DCC: variants seen among roughly 807,000 people sequenced by gnomAD.
The protein encoded by DCC is netrin receptor DCC.
DCC carries 58 observed loss-of-function variants against 172.5 expected under a neutral mutation model. The ratio of observed to expected loss-of-function variants is 0.34; its 90% CI spans 0.27 to 0.42. The LOEUF is 0.42. Among genes scored for constraint, DCC ranks in the 10% least tolerant of loss-of-function variants. DCC has a pLI of 1.00. For missense variants in DCC, 1,740 were observed against 1,791.0 expected, an observed-to-expected ratio of 0.97 and a Z score of 0.51; for synonymous variants, 709 against 644.5, an observed-to-expected ratio of 1.10 and a Z score of -1.52.
At chr18:53,439,914 G>A (rs903340693) in intron 22 of DCC, among the ~76,000 whole-genome samples, 1 of 150,746 alleles carries the variant, frequency 6.6e-6, no homozygotes. Context: ...ACAGGCGCCC[G>A]CCACTACGCC....
At chr18:53,432,061 A>G (rs1911652400) in intron 21 of DCC, among the ~76,000 whole-genome samples, 1 of 152,172 alleles carries the variant, frequency 6.6e-6, no homozygotes, top group African/African-American at 2.4e-5. Context: ...TATGAAACAT[A>G]TAAAGTTATG....
At chr18:52,437,538 A>T (rs1342169761) in intron 1 of DCC, among the ~76,000 whole-genome samples, 1 of 152,204 alleles carries the variant, frequency 6.6e-6, no homozygotes, top group Non-Finnish European at 1.5e-5. Context: ...TTTAAATAAG[A>T]AGAGCCTCTG....
chr18:53,343,446 G>A (rs1427125854), intron 15 of DCC, among the ~76,000 whole-genome samples: 1 of 151,494 alleles, frequency 6.6e-6, no homozygotes, highest in South Asian at 2.1e-4. Flanking sequence ...AAAATACGGT[G>A]AATTACATTG....
chr18:53,279,023 C>T (rs2056837449), intron 12 of DCC, among the ~76,000 whole-genome samples: 1 of 152,164 alleles, frequency 6.6e-6, no homozygotes, highest in African/African-American at 2.4e-5. Flanking sequence ...TTTACAGTCC[C>T]ACCAACAGCG....
At chr18:53,047,235 GATATATATATATATATATATATATATAT>G (rs70944616) in intron 5 of DCC, among the ~76,000 whole-genome samples, 839 of 30,278 alleles carry the variant, frequency 0.028, 24 homozygotes, top group Non-Finnish European at 0.037. Flanking sequence ...CTGCAGGTAG[GATATATATATATATATATATATATATAT>G]ATATATATAT....
chr18:52,665,712 A>T (rs1453468915), intron 1 of DCC, among the ~76,000 whole-genome samples: 1 of 152,246 alleles, frequency 6.6e-6, no homozygotes, highest in Non-Finnish European at 1.5e-5. Flanking sequence ...CTTTAAGTTT[A>T]ATCAACCACA....
chr18:53,085,748 C>G (rs1172839348), intron 7 of DCC, among the ~76,000 whole-genome samples: 1 of 151,804 alleles, frequency 6.6e-6, no homozygotes, highest in African/African-American at 2.4e-5. Flanking sequence ...CAAAACTACA[C>G]TTTTGTGATG....
chr18:52,737,315 G>C (rs906904663), intron 1 of DCC, among the ~76,000 whole-genome samples: 2 of 152,052 alleles, frequency 1.3e-5, no homozygotes, highest in African/African-American at 4.8e-5. Context: ...CAGTTCCCTA[G>C]CTCTGCAGGA....
intron 1 of DCC, among the ~76,000 whole-genome samples, chr18:52,728,584 A>G (rs1383720302): frequency 2.6e-5 from 4 of 152,234 alleles, no homozygotes; most frequent in African/African-American, 9.6e-5. Flanking sequence ...TTGTTAAGAT[A>G]GATGCATTGT....
intron 1 of DCC, among the ~76,000 whole-genome samples, chr18:52,543,558 T>C (rs1040587138): frequency 6.6e-6 from 1 of 152,152 alleles, no homozygotes; most frequent in Non-Finnish European, 1.5e-5. Flanking sequence ...CTTTTCCAAA[T>C]AAAGGCACTG....
intron 1 of DCC, among the ~76,000 whole-genome samples, chr18:52,354,475 A>G (rs1984270581): frequency 1.3e-5 from 2 of 152,198 alleles, no homozygotes; most frequent in African/African-American, 4.8e-5. Context: ...GGCAAAGTCT[A>G]ACTTGACATC....
At chr18:52,843,337 C>A (rs112121668) in intron 2 of DCC, among the ~76,000 whole-genome samples, 4,063 of 152,110 alleles carry the variant, frequency 0.027, 162 homozygotes, top group African/African-American at 0.09. Context: ...AAGCCTTCTT[C>A]CAGAAGATGA....
chr18:52,355,209 A>T (rs1279038510), intron 1 of DCC, among the ~76,000 whole-genome samples: 2 of 102,486 alleles, frequency 2.0e-5, no homozygotes, highest in African/African-American at 8.6e-5. Flanking sequence ...ATGGAGATTA[A>T]AAAAAAAAAG....
chr18:53,060,882 T>G (rs2042485160), intron 5 of DCC, among the ~76,000 whole-genome samples: 1 of 152,098 alleles, frequency 6.6e-6, no homozygotes, highest in South Asian at 2.1e-4. Context: ...GAGCACACTA[T>G]TTTTGACATT....
chr18:52,723,373 C>T (rs544800344), intron 1 of DCC, among the ~76,000 whole-genome samples: 4 of 152,280 alleles, frequency 2.6e-5, no homozygotes, highest in East Asian at 3.9e-4. Context: ...AAGGATGACA[C>T]AAACCCTGTC....
chr18:52,489,210 T>G (rs892973069), intron 1 of DCC, among the ~76,000 whole-genome samples: 1 of 152,040 alleles, frequency 6.6e-6, no homozygotes, highest in African/African-American at 2.4e-5. Context: ...ATGATACTGG[T>G]GCTGCTGGTC....
intron 3 of DCC, among the ~76,000 whole-genome samples, chr18:52,921,558 G>A: frequency 6.6e-6 from 1 of 151,854 alleles, no homozygotes; most frequent in Non-Finnish European, 1.5e-5. Flanking sequence ...AATGAGCCAG[G>A]TGTGGTGGTA....
intron 1 of DCC, among the ~76,000 whole-genome samples, chr18:52,438,812 C>T (rs1172743663): frequency 1.3e-5 from 2 of 152,176 alleles, no homozygotes; most frequent in East Asian, 3.9e-4. Flanking sequence ...ACTAAAATTC[C>T]TTGAGTTGTG....
chr18:52,357,008 C>T (rs1984396458), intron 1 of DCC, among the ~76,000 whole-genome samples: 2 of 152,174 alleles, frequency 1.3e-5, no homozygotes. Context: ...TGGTCTTGAA[C>T]TCCTGATGTC....
Sources: allele counts gnomAD v4.1 joint callset (sites outside exome capture counted in the v4.1 genomes callset), GRCh38; gene constraint gnomAD v4.1.1; transcripts MANE v1.5; gene names NCBI Gene and HGNC (gene_info 2026-07-23, HGNC 2026-07-21).